Variants in ANP32A observed in about 807,000 individuals in gnomAD.
The protein encoded by ANP32A is acidic nuclear phosphoprotein 32 family member A.
Under a neutral mutation model 33.9 loss-of-function variants are expected in ANP32A, and 1 was observed. The observed-to-expected ratio is 0.03, with a 90% CI of 0.01 to 0.14. ANP32A has a LOEUF of 0.14. ANP32A is among the 10% of genes least tolerant of loss of function. The pLI is 1.00. For missense variants in ANP32A, 155 were observed against 306.0 expected (o/e 0.51, Z 3.68); for synonymous variants, 115 against 120.5 (o/e 0.95, Z 0.30).
chr15:68,813,752 C>A (rs536405692), intron 1 of ANP32A, among the ~76,000 whole-genome samples: 1 of 152,124 alleles, frequency 6.6e-6, no homozygotes, highest in East Asian at 1.9e-4. Context: ...AATTGGGCCA[C>A]GTTCATTGGG....
intron 1 of ANP32A, among the ~76,000 whole-genome samples, chr15:68,794,958 C>A (rs1200913373): frequency 6.6e-6 from 1 of 152,126 alleles, no homozygotes; most frequent in African/African-American, 2.4e-5. Context: ...ATATGTGTAA[C>A]GTGACCTACA....
At chr15:68,809,493 G>A (rs765413649) in intron 1 of ANP32A, among the ~76,000 whole-genome samples, 17 of 152,078 alleles carry the variant, frequency 1.1e-4, no homozygotes, top group African/African-American at 3.1e-4. Flanking sequence ...TATTTTTGGC[G>A]TTACATTTTA....
At chr15:68,809,685 G>A (rs778690971) in intron 1 of ANP32A, among the ~76,000 whole-genome samples, 5 of 152,168 alleles carry the variant, frequency 3.3e-5, no homozygotes, top group African/African-American at 9.7e-5. Flanking sequence ...TCACACCAGC[G>A]GGCGTGGGGG....
At chr15:68,782,405 C>T (rs1893880726) in intron 5 of ANP32A, among the ~76,000 whole-genome samples, 1 of 152,172 alleles carries the variant, frequency 6.6e-6, no homozygotes, top group Non-Finnish European at 1.5e-5. Context: ...TCTGGGGACA[C>T]ACAGCTTGCG....
At chr15:68,786,160 C>CT (rs1490068123) in intron 3 of ANP32A, among the ~76,000 whole-genome samples, 2 of 152,144 alleles carry the variant, frequency 1.3e-5, no homozygotes, top group African/African-American at 4.8e-5. Context: ...CCAACCTCCC[C>CT]TATAAACCCA....
At chr15:68,811,545 GAA>G (rs897992564) in intron 1 of ANP32A, among the ~76,000 whole-genome samples, 8 of 152,162 alleles carry the variant, frequency 5.3e-5, no homozygotes, top group East Asian at 3.8e-4. Context: ...AGGGCAGTAA[GAA>G]AAAGAGTTGC....
chr15:68,782,506 C>A (rs777574804), intron 5 of ANP32A, among the ~76,000 whole-genome samples: 1 of 152,190 alleles, frequency 6.6e-6, no homozygotes, highest in African/African-American at 2.4e-5. Flanking sequence ...ACTCCTGGTG[C>A]TCTATTTCCA....
At chr15:68,800,329 T>C (rs1894114364) in intron 1 of ANP32A, among the ~76,000 whole-genome samples, 2 of 151,808 alleles carry the variant, frequency 1.3e-5, no homozygotes, top group South Asian at 4.1e-4. Context: ...AAAGATACCG[T>C]GGTAAACAAA....
At chr15:68,807,945 A>G (rs1894259133) in intron 1 of ANP32A, among the ~76,000 whole-genome samples, 1 of 152,216 alleles carries the variant, frequency 6.6e-6, no homozygotes, top group Admixed American at 6.5e-5. Flanking sequence ...TCCCAGGAGC[A>G]GCATCCTGAG....
Position 68,779,893 on chromosome 15 carries a change from T to C in ANP32A, c.*188A>G. On this transcript the variant is annotated 3_prime_UTR_variant, in exon 7 of 7. Transcript: ENST00000465139. ...AAGAGTGGCAGTAAAAATAGTATTT[T>C]ATTCCACCCCCACCCGCCATCCCTC... 1.8e-6 allele frequency: 1 copy of C among 563,640 alleles called. No individual in the cohort carries two copies. 34.9% of individuals were successfully genotyped at this position (563,640 alleles called of 1,614,324 possible). A position where few individuals can be genotyped will look rare whatever the true frequency, so the allele number is the denominator to read the frequency against.
Position 68,787,855 on chromosome 15 carries a change from T to G in ANP32A, c.119A>C (p.Glu40Ala), listed in dbSNP as rs1893952630. 1 of 1,614,156 alleles carries G rather than the reference T, an allele frequency of 6.2e-7. No individual in the cohort carries two copies. Among genetic ancestry groups the G allele is most frequent in the East Asian group, 2.2e-5 (1 of 44,882 alleles). Residue 40 changes from glutamate to alanine, a missense_variant, in exon 2 of 7, where the codon GAA (glutamate) becomes GCA (alanine). Glu to Ala is a moderately radical substitution (Grantham distance 107). Transcript: ENST00000465139. ...NEGKLEGLTDEFEELEFLSTI... is the reference protein window; with the variant it reads ...NEGKLEGLTDAFEELEFLSTI... Reference sequence around the variant, plus strand: ...ACTTAAGAATTCCAGTTCTTCAAATTCATCTGTGAGGCCTTCGAGTTTGCC... The same window carrying G: ...ACTTAAGAATTCCAGTTCTTCAAATGCATCTGTGAGGCCTTCGAGTTTGCC...
intron 1 of ANP32A, among the ~76,000 whole-genome samples, chr15:68,818,765 G>A (rs1167135792): frequency 6.6e-6 from 1 of 151,600 alleles, no homozygotes; most frequent in Admixed American, 6.6e-5. Context: ...CGCGCTTGGC[G>A]CCCTTCCCCC....
rs1484828625 is a variant in ANP32A at position 68,816,300 on chromosome 15, G to C, written c.54+4398C>G. On this transcript the variant is annotated intron_variant, in intron 1 of 6. Transcript: ENST00000465139. ...AAGGAGGCAGTAGAGTGTAGAGGTT[G>C]AGTATGCAGACTGGCTGAGTTTGAA... Among the ~76,000 whole-genome samples, 9 of 152,316 alleles carry C rather than the reference G, an allele frequency of 5.9e-5. No individual in the cohort carries two copies. The East Asian group carries it at 1.3e-3, about 23-fold the overall frequency.
At chr15:68,815,206 A>C (rs1169290916) in intron 1 of ANP32A, among the ~76,000 whole-genome samples, 1 of 152,218 alleles carries the variant, frequency 6.6e-6, no homozygotes, top group Non-Finnish European at 1.5e-5. Context: ...GCTTAAACAA[A>C]GCAAAACACT....
At chr15:68,802,096 C>T (rs1006884738) in intron 1 of ANP32A, among the ~76,000 whole-genome samples, 2 of 152,206 alleles carry the variant, frequency 1.3e-5, no homozygotes, top group East Asian at 1.9e-4. Flanking sequence ...CCTCACCATA[C>T]GGATAGGGAG....
chr15:68,802,693 C>A (rs1894153553), intron 1 of ANP32A, among the ~76,000 whole-genome samples: 2 of 152,194 alleles, frequency 1.3e-5, no homozygotes, highest in African/African-American at 2.4e-5. Context: ...GTTCTTCTCG[C>A]CCAGGCTGGC....
chr15:68,789,348 C>T (rs1050353060), intron 1 of ANP32A: 3 of 152,452 alleles, frequency 2.0e-5, no homozygotes, highest in African/African-American at 4.8e-5. Flanking sequence ...CAACAGCAGT[C>T]CAGCATTGTT....
At position 68,780,450 on chromosome 15, in the gene ANP32A, A is replaced by T; in HGVS notation, c.648T>A (p.Asp216Glu). Residue 216 changes from aspartate (D) to glutamate (E), a missense_variant, in exon 6 of 7, where the codon GAT becomes GAA. Physicochemically the swap from Asp to Glu is conservative, Grantham distance 45. Coordinates refer to ENST00000465139, the MANE Select transcript of ANP32A (RefSeq NM_006305.4). The surrounding 1 kb of genome is among the most constrained non-coding windows in gnomAD (Gnocchi z 4.3). ...EEEEDEEGYNDGEVDDEEDEE... is the reference protein window; with the variant it reads ...EEEEDEEGYNEGEVDDEEDEE... ...CATCTTCCTCGTCATCTACCTCTCCATCGTTATAACCTTCTTCATCCTCCT... is the reference window on the plus strand; with the variant it reads ...CATCTTCCTCGTCATCTACCTCTCCTTCGTTATAACCTTCTTCATCCTCCT... 1 of 1,613,952 alleles carries T rather than the reference A, an allele frequency of 6.2e-7. No homozygotes were observed. The highest frequency in any genetic ancestry group is 8.5e-7 in the Non-Finnish European group (1 of 1,179,896).
At chr15:68,819,668 G>A (rs1438905814) in intron 1 of ANP32A, among the ~76,000 whole-genome samples, 2 of 152,256 alleles carry the variant, frequency 1.3e-5, no homozygotes, top group African/African-American at 2.4e-5. Context: ...GAGAAAGACG[G>A]GCCGGGGGTT....
Sources: gnomAD v4.1 joint callset for allele counts (sites outside exome capture counted in the v4.1 genomes callset) on GRCh38, gnomAD v4.1.1 for gene constraint, Gnocchi (gnomAD v3.1) non-coding constraint, MANE v1.5 for transcripts, NCBI Gene and HGNC (gene_info 2026-07-23, HGNC 2026-07-21) for gene names.